The following ATP13A4 variants were observed in gnomAD, a reference collection of about 807,000 sequenced individuals.
ATP13A4 encodes ATPase 13A4, also known as probable cation-transporting ATPase 13A4.
Under a neutral mutation model 142.5 loss-of-function variants are expected in ATP13A4, and 114 were observed. The ratio of observed to expected loss-of-function variants is 0.80; its 90% CI spans 0.69 to 0.93. The LOEUF (loss-of-function observed/expected upper bound fraction) is 0.93. ATP13A4 is among the 40% of genes least tolerant of loss of function. The pLI is 0.00. For synonymous variants in ATP13A4, 488 were observed against 514.8 expected, an observed-to-expected ratio of 0.95 and a Z score of 0.70; for missense variants, 1,392 against 1,454.0, an observed-to-expected ratio of 0.96 and a Z score of 0.69.
intron 2 of ATP13A4, among the ~76,000 whole-genome samples, chr3:193,506,861 C>T (rs1465003613): frequency 3.9e-5 from 6 of 152,192 alleles, no homozygotes; most frequent in African/African-American, 9.6e-5. Flanking sequence ...CCTGAGGCCT[C>T]CCCAGACATG....
At chr3:193,451,766 A>G (rs1043684050) in intron 17 of ATP13A4, among the ~76,000 whole-genome samples, 2 of 152,200 alleles carry the variant, frequency 1.3e-5, no homozygotes, top group African/African-American at 4.8e-5. Context: ...AGATTATGAT[A>G]CCAATGCTGG....
At chr3:193,435,822 A>T in intron 23 of ATP13A4, 78 bp from the exon 24 acceptor site, 1 of 1,287,844 alleles carries the variant, frequency 7.8e-7, no homozygotes, top group South Asian at 1.2e-5. Flanking sequence ...TGTTCAGCTA[A>T]GCTCAGGAGA....
intron 1 of ATP13A4, among the ~76,000 whole-genome samples, chr3:193,536,457 AT>A (rs1386497013): frequency 6.6e-6 from 1 of 152,110 alleles, no homozygotes; most frequent in African/African-American, 2.4e-5. Context: ...CCCATTCATG[AT>A]TTTAAAACTC....
At chr3:193,423,691 G>T (rs1214392198) in intron 25 of ATP13A4, among the ~76,000 whole-genome samples, 1 of 149,692 alleles carries the variant, frequency 6.7e-6, no homozygotes, top group Non-Finnish European at 1.5e-5. Flanking sequence ...TGCAATAAAG[G>T]TCATGTATGA....
chr3:193,584,148 T>G (rs913717547), intron 1 of ATP13A4, among the ~76,000 whole-genome samples: 12 of 152,206 alleles, frequency 7.9e-5, no homozygotes, highest in African/African-American at 2.9e-4. Flanking sequence ...GTAATTAAGT[T>G]TGCTGACCAG....
At chr3:193,511,764 C>G (rs1370037442) in intron 2 of ATP13A4, among the ~76,000 whole-genome samples, 1 of 151,896 alleles carries the variant, frequency 6.6e-6, no homozygotes, top group African/African-American at 2.4e-5. Flanking sequence ...AAACGTTTGA[C>G]TCCTTCATTC....
rs768132039 is a variant in ATP13A4, at chr3:193,459,160, C to T, written c.1595G>A (p.Ser532Asn). The T allele has an allele frequency of 6.2e-7, 1 of 1,613,514 alleles. No homozygotes were observed. The highest frequency in any genetic ancestry group is 8.5e-7 in the Non-Finnish European group (1 of 1,179,992). ...PWGPLCAAMA[S>N]CHSLILLDGT... Reference sequence around the variant, plus strand: ...ATCAAGAAGGATCAGAGAGTGGCAGCTGGCCATCGCTGCACACAGTGGGCC... The same window carrying T: ...ATCAAGAAGGATCAGAGAGTGGCAGTTGGCCATCGCTGCACACAGTGGGCC... The change falls in exon 14 of 30, where the codon AGC becomes AAC. Residue 532 changes from serine (S) to asparagine (N), a missense_variant. Physicochemically the swap from Ser to Asn is conservative, Grantham distance 46. Transcript: ENST00000342695.
chr3:193,526,446 C>A (rs1447101554), intron 1 of ATP13A4, among the ~76,000 whole-genome samples: 1 of 152,050 alleles, frequency 6.6e-6, no homozygotes, highest in African/African-American at 2.4e-5. Flanking sequence ...CACGTTGGGG[C>A]CTGTTGCAGG....
At position 193,411,059 on chromosome 3, in the gene ATP13A4, G is replaced by A. The variant is rs2108602759; in HGVS notation, c.3220C>T (p.Leu1074Phe). 6.2e-7 allele frequency: 1 copy of A among 1,606,766 alleles called. No individual in the cohort carries two copies. Among genetic ancestry groups the A allele is most frequent in the Non-Finnish European group, 8.5e-7 (1 of 1,173,718 alleles). ...QPTYTNYIFV[L>F]VLIIQLGVCL... ...ACACCAAGCTGTATTATCAGCACAA[G>A]GACAAATATATCTGAGGAAATAAGA... Residue 1074 changes from leucine (L) to phenylalanine (F), a missense_variant, in exon 28 of 30, where the codon CTT becomes TTT. By Grantham distance (22) the Leu-to-Phe change is conservative. Coordinates refer to ENST00000342695, the MANE Select transcript of ATP13A4 (RefSeq NM_032279.4).
chr3:193,480,387 G>A lies in ATP13A4; in HGVS notation c.808+3549C>T, dbSNP rs116158080. On this transcript the variant is annotated intron_variant, in intron 8 of 29. Transcript: ENST00000342695. ...CTTTGCAATCTATACTTCTGTTGAAGGACTAATACCCAGAATCTACGAGGA... is the reference window on the plus strand; with the variant it reads ...CTTTGCAATCTATACTTCTGTTGAAAGACTAATACCCAGAATCTACGAGGA... 3.7e-3 allele frequency among the ~76,000 whole-genome samples: 567 copies of A among 152,124 alleles called. 3 individuals are homozygous for A. Among genetic ancestry groups the A allele is most frequent in the African/African-American group, 0.013 (540 of 41,508 alleles).
At chr3:193,513,623 T>C (rs1186320116) in intron 2 of ATP13A4, among the ~76,000 whole-genome samples, 1 of 152,182 alleles carries the variant, frequency 6.6e-6, no homozygotes, top group African/African-American at 2.4e-5. Context: ...CCCGCAGGGA[T>C]GATGCACATT....
intron 17 of ATP13A4, among the ~76,000 whole-genome samples, chr3:193,451,641 A>AT (rs1338713340): frequency 1.3e-5 from 2 of 152,220 alleles, no homozygotes; most frequent in Non-Finnish European, 2.9e-5. Flanking sequence ...ATAAAGAATG[A>AT]TAAGTGTAAT....
intron 2 of ATP13A4, among the ~76,000 whole-genome samples, chr3:193,579,732 C>CAT (rs35712007): frequency 0.52 from 79,344 of 151,710 alleles, 21,435 homozygotes; most frequent in African/African-American, 0.65. Flanking sequence ...TTGGAAGCCA[C>CAT]GTTTCAGATG....
At chr3:193,572,576 C>T (rs1724291287) in intron 2 of ATP13A4, among the ~76,000 whole-genome samples, 1 of 152,136 alleles carries the variant, frequency 6.6e-6, no homozygotes, top group South Asian at 2.1e-4. Flanking sequence ...CCCCTAGTGT[C>T]TTAACATTCA....
Position 193,411,076 on chromosome 3 carries a change from G to T in ATP13A4, c.3209-6C>A, listed in dbSNP as rs1714741088. ...CAGCACAAGGACAAATATATCTGAG[G>T]AAATAAGAACACAAGGTATTATTTT... On this transcript the variant is annotated splice_region_variant and splice_polypyrimidine_tract_variant and intron_variant, in intron 27 of 29. Transcript: ENST00000342695. 3 of 1,584,552 alleles carry T rather than the reference G, an allele frequency of 1.9e-6. No individual in the cohort carries two copies. The highest frequency in any genetic ancestry group is 2.6e-6 in the Non-Finnish European group (3 of 1,153,354).
intron 12 of ATP13A4, among the ~76,000 whole-genome samples, 174 bp from the exon 13 acceptor site, chr3:193,462,997 A>T (rs1718046170): frequency 6.6e-6 from 1 of 151,944 alleles, no homozygotes; most frequent in Admixed American, 6.6e-5. Flanking sequence ...AAAAAAAAAA[A>T]TCCAGTGGCC....
intron 18 of ATP13A4, among the ~76,000 whole-genome samples, chr3:193,446,830 A>C (rs1302354711): frequency 6.6e-6 from 1 of 152,254 alleles, no homozygotes; most frequent in Non-Finnish European, 1.5e-5. Context: ...AGTTACTTAC[A>C]GTGGACTCTC....
chr3:193,549,563 C>T (rs757124894), intron 1 of ATP13A4, among the ~76,000 whole-genome samples: 5 of 152,092 alleles, frequency 3.3e-5, no homozygotes, highest in African/African-American at 1.2e-4. Flanking sequence ...GGTGTGGATG[C>T]TCACGCTTAT....
Position 193,459,187 on chromosome 3 carries a change from C to T in ATP13A4, c.1568G>A (p.Trp523Ter). 1 of 1,614,218 alleles carries T rather than the reference C, an allele frequency of 6.2e-7. No individual in the cohort carries two copies. Among genetic ancestry groups the T allele is most frequent in the Non-Finnish European group, 8.5e-7 (1 of 1,180,044 alleles). ...GGCCATCGCTGCACACAGTGGGCCC[C>T]ATGGCAAAGCCTGGCCTGAGGCAAA... ...HSFASGQALP[W>*]GPLCAAMASC... The change falls in exon 14 of 30, where the codon TGG (tryptophan) becomes TAG (stop). Residue 523 changes from tryptophan to a stop codon, truncating the protein, a stop_gained. Coordinates refer to ENST00000342695, the MANE Select transcript of ATP13A4 (RefSeq NM_032279.4). LOFTEE classifies it high-confidence loss of function.
Sources: gnomAD v4.1 joint callset for allele counts (sites outside exome capture counted in the v4.1 genomes callset) on GRCh38, gnomAD v4.1.1 for gene constraint, MANE v1.5 for transcripts, NCBI Gene and HGNC (gene_info 2026-07-23, HGNC 2026-07-21) for gene names.